Variants in ANKS1B observed in about 807,000 individuals in gnomAD.
The protein encoded by ANKS1B is ankyrin repeat and sterile alpha motif domain-containing protein 1B.
ANKS1B carries 36 observed loss-of-function variants against 148.3 expected under a neutral mutation model. The observed-to-expected ratio is 0.24, with a 90% CI of 0.19 to 0.32. The LOEUF (loss-of-function observed/expected upper bound fraction) is 0.32. Ranked by LOEUF, ANKS1B falls within the 10% of genes least tolerant of loss-of-function variation. The pLI, the probability that ANKS1B is intolerant of heterozygous loss-of-function variation, is 1.00. For synonymous variants in ANKS1B, 542 were observed against 560.8 expected (o/e 0.97, Z 0.47); for missense variants, 1,157 against 1,542.6 (o/e 0.75, Z 4.19).
intron 1 of ANKS1B, among the ~76,000 whole-genome samples, chr12:99,860,096 G>A (rs1028003863): frequency 6.6e-6 from 1 of 152,208 alleles, no homozygotes; most frequent in African/African-American, 2.4e-5. Context: ...GAACTTCCCT[G>A]CCTCTTTGAA....
chr12:98,971,686 G>C (rs898639151), intron 17 of ANKS1B, among the ~76,000 whole-genome samples: 1 of 152,116 alleles, frequency 6.6e-6, no homozygotes. Context: ...TTTAAATATA[G>C]AGGGCTCCCA....
intron 8 of ANKS1B, among the ~76,000 whole-genome samples, chr12:99,743,568 A>G (rs1351392053): frequency 1.3e-5 from 2 of 152,208 alleles, no homozygotes; most frequent in Admixed American, 1.3e-4. Flanking sequence ...CAGTACAAAT[A>G]GGAATCTGTA....
At position 99,094,231 on chromosome 12, in the gene ANKS1B, G is replaced by C. The variant is rs542759865; in HGVS notation, c.2527-9208C>G. On this transcript the variant is annotated intron_variant, in intron 15 of 26. Transcript: ENST00000683438. ...AGTCTAGTGGAGAAAAAGGGAAACA[G>C]TGGAATAAAAAAATAGATAAATAAT... is the stretch of plus-strand genomic sequence containing the variant. 2.0e-5 allele frequency among the ~76,000 whole-genome samples: 3 copies of C among 152,280 alleles called. No individual in the cohort carries two copies. In the East Asian group the frequency reaches 5.8e-4, roughly 29 times the overall value.
At chr12:99,211,578 A>G (rs1205666806) in intron 14 of ANKS1B, among the ~76,000 whole-genome samples, 5 of 152,208 alleles carry the variant, frequency 3.3e-5, no homozygotes, top group Non-Finnish European at 7.3e-5. Context: ...ACAAAAGTCA[A>G]ATACAATTTT....
intron 9 of ANKS1B, among the ~76,000 whole-genome samples, chr12:99,510,118 A>G (rs2096749724): frequency 1.3e-5 from 2 of 152,014 alleles, no homozygotes; most frequent in African/African-American, 2.4e-5. Context: ...TCAAAATATT[A>G]CTATTCATTG....
chr12:99,641,284 C>T (rs1461044082), intron 9 of ANKS1B, among the ~76,000 whole-genome samples: 2 of 152,132 alleles, frequency 1.3e-5, no homozygotes, highest in African/African-American at 2.4e-5. Flanking sequence ...CAGGAACTAG[C>T]GTCCTCATTT....
chr12:99,470,114 CTAA>C (rs369653175), intron 10 of ANKS1B, among the ~76,000 whole-genome samples: 5,729 of 148,006 alleles, frequency 0.039, 365 homozygotes, highest in African/African-American at 0.14. Context: ...GACTCTGTCT[CTAA>C]TAATAATAAT....
At chr12:99,015,145 C>T (rs1429093918) in intron 17 of ANKS1B, among the ~76,000 whole-genome samples, 1 of 152,130 alleles carries the variant, frequency 6.6e-6, no homozygotes, top group Non-Finnish European at 1.5e-5. Flanking sequence ...GAATGACAGA[C>T]TGGATAAAGA....
intron 12 of ANKS1B, among the ~76,000 whole-genome samples, chr12:99,269,725 A>AT (rs2076834375): frequency 6.6e-6 from 1 of 152,004 alleles, no homozygotes; most frequent in Non-Finnish European, 1.5e-5. Flanking sequence ...CGCCCGGCTA[A>AT]TTTTTTGTAT....
At chr12:99,665,701 T>A (rs1197092628) in intron 8 of ANKS1B, among the ~76,000 whole-genome samples, 1 of 152,164 alleles carries the variant, frequency 6.6e-6, no homozygotes, top group Non-Finnish European at 1.5e-5. Context: ...TTAACCAGGA[T>A]GGTCTCGATC....
chr12:99,210,511 C>T (rs1203097323), intron 14 of ANKS1B, among the ~76,000 whole-genome samples: 1 of 152,150 alleles, frequency 6.6e-6, no homozygotes, highest in East Asian at 1.9e-4. Flanking sequence ...ATCCTTTAGT[C>T]CACCCAGTGG....
At chr12:99,151,118 CA>C (rs1438591821) in intron 15 of ANKS1B, among the ~76,000 whole-genome samples, 1 of 152,038 alleles carries the variant, frequency 6.6e-6, no homozygotes, top group Non-Finnish European at 1.5e-5. Context: ...AAATGAAATA[CA>C]CAAAGGAAAA....
chr12:99,827,967 T>C lies in ANKS1B; in HGVS notation c.135-2578A>G, dbSNP rs368010416. On this transcript the variant is annotated intron_variant, in intron 1 of 26. Transcript: ENST00000683438. ...TTTAGCCCAGAGAAATGAAAGCATA[T>C]GTCCATAAAAAGACTTGTACATATA... Among the ~76,000 whole-genome samples, 8 of 152,288 alleles carry C rather than the reference T, an allele frequency of 5.3e-5. No individual in the cohort carries two copies. In the East Asian group the frequency reaches 1.4e-3, roughly 26 times the overall value.
chr12:98,864,147 T>G (rs1285979382), intron 17 of ANKS1B, among the ~76,000 whole-genome samples: 1 of 152,130 alleles, frequency 6.6e-6, no homozygotes, highest in East Asian at 1.9e-4. Flanking sequence ...TTTTTTCATT[T>G]TTAAATGTCC....
At chr12:99,667,048 T>C (rs1333692323) in intron 8 of ANKS1B, among the ~76,000 whole-genome samples, 1 of 152,114 alleles carries the variant, frequency 6.6e-6, no homozygotes, top group Non-Finnish European at 1.5e-5. Context: ...GTACCAAATT[T>C]TAAAATTGAA....
chr12:99,046,625 C>T (rs2099962540), intron 17 of ANKS1B, among the ~76,000 whole-genome samples: 1 of 151,764 alleles, frequency 6.6e-6, no homozygotes. Flanking sequence ...CGCTGAAACC[C>T]CGTCTCTACT....
chr12:99,685,732 G>T (rs543558521), intron 8 of ANKS1B, among the ~76,000 whole-genome samples: 1 of 150,020 alleles, frequency 6.7e-6, no homozygotes, highest in East Asian at 2.1e-4. Flanking sequence ...GTGTTTATGT[G>T]TGTGTGTGTG....
chr12:98,986,786 T>C lies in ANKS1B; in HGVS notation c.2778+66371A>G, dbSNP rs575973020. Reference sequence around the variant, plus strand: ...TGTATCACCACACCTGGATTTTTATTTTATTTTATTTTTGTAGAGACAGGG... The same window carrying C: ...TGTATCACCACACCTGGATTTTTATCTTATTTTATTTTTGTAGAGACAGGG... On this transcript the variant is annotated intron_variant, in intron 17 of 26. Coordinates refer to ENST00000683438, the MANE Select transcript of ANKS1B (RefSeq NM_001352186.2). Among the ~76,000 whole-genome samples, 7 of 152,116 alleles carry C rather than the reference T, an allele frequency of 4.6e-5. 1 individual carries two copies. Among genetic ancestry groups the C allele is most frequent in the African/African-American group, 1.7e-4 (7 of 41,500 alleles).
At chr12:99,071,579 C>T (rs1286096800) in intron 16 of ANKS1B, among the ~76,000 whole-genome samples, 1 of 152,104 alleles carries the variant, frequency 6.6e-6, no homozygotes, top group African/African-American at 2.4e-5. Context: ...TATATTGAGT[C>T]CTTGCTTCTA....
Sources: gnomAD v4.1 joint callset for allele counts (sites outside exome capture counted in the v4.1 genomes callset) on GRCh38, gnomAD v4.1.1 for gene constraint, MANE v1.5 for transcripts, NCBI Gene and HGNC (gene_info 2026-07-23, HGNC 2026-07-21) for gene names.